The following RPA1 variants were observed in gnomAD, a reference collection of about 807,000 sequenced individuals.
RPA1 encodes replication protein A1.
RPA1 carries 49 observed loss-of-function variants against 83.0 expected under a neutral mutation model. The ratio of observed to expected loss-of-function variants is 0.59; its 90% confidence interval spans 0.47 to 0.75. RPA1 has a LOEUF of 0.75. Ranked by LOEUF, RPA1 falls within the 30% of genes least tolerant of loss-of-function variation. The pLI, the probability that RPA1 is intolerant of heterozygous loss-of-function variation, is 0.00. For synonymous variants in RPA1, 279 were observed against 281.8 expected (o/e 0.99, Z 0.10); for missense variants, 693 against 776.1 (o/e 0.89, Z 1.27).
rs924360298 is a variant in RPA1, at chr17:1,897,242, C to T, written c.*67C>T. The T allele has an allele frequency of 2.3e-5, 28 of 1,196,526 alleles. No individual in the cohort carries two copies. The highest frequency in any genetic ancestry group is 2.3e-4 in the Middle Eastern group (1 of 4,430). The allele number at this position is 1,196,526 out of a possible 1,614,324, so 74.1% of individuals were successfully genotyped here. On this transcript the variant is annotated 3_prime_UTR_variant, in exon 17 of 17. Transcript: ENST00000254719. ...AATGGAATCGATTTCCTCCCACCTC[C>T]GTGTGACGATCCCATGTTAGCTACA...
intron 5 of RPA1, among the ~76,000 whole-genome samples, chr17:1,869,469 C>T (rs1163437352): frequency 2.6e-5 from 4 of 151,346 alleles, no homozygotes; most frequent in African/African-American, 7.3e-5. Flanking sequence ...AATCGGGAGG[C>T]GGAGGTTGCA....
At chr17:1,862,402 G>A (rs1028933017) in intron 5 of RPA1, among the ~76,000 whole-genome samples, 12 of 132,246 alleles carry the variant, frequency 9.1e-5, no homozygotes, top group East Asian at 4.3e-4. Flanking sequence ...TGTTAATATC[G>A]ATTAGCTCAA....
In RPA1 at chr17:1,846,684, A is replaced by T. The variant is rs1912272325; in HGVS notation, c.272+1998A>T. Among the ~76,000 whole-genome samples the T allele has an allele frequency of 3.3e-5, 5 of 152,134 alleles. No homozygotes were observed. In the South Asian group the frequency reaches 1.0e-3, roughly 32 times the overall value. ...TCAGTCTGCCGATTCAGTTCTTTTC[A>T]ACGAAGTTTTTCTGTGTGTTATTCC... On this transcript the variant is annotated intron_variant, in intron 4 of 16. Transcript: ENST00000254719.
At chr17:1,860,205 A>G (rs1183037942) in intron 5 of RPA1, among the ~76,000 whole-genome samples, 1 of 151,994 alleles carries the variant, frequency 6.6e-6, no homozygotes, top group African/African-American at 2.4e-5. Flanking sequence ...CAGCCTCCCA[A>G]GTAGTTGGGA....
chr17:1,862,235 A>G (rs982034947), intron 5 of RPA1, among the ~76,000 whole-genome samples: 4 of 112,656 alleles, frequency 3.6e-5, no homozygotes, highest in South Asian at 3.0e-4. Context: ...GATGGAGTCT[A>G]TGTTGTCCAG....
chr17:1,839,788 GTTTTTTTTTTT>G (rs71150821), intron 1 of RPA1, among the ~76,000 whole-genome samples: 2 of 68,950 alleles, frequency 2.9e-5, no homozygotes, highest in African/African-American at 9.9e-5. Flanking sequence ...CGCCCAGCTA[GTTTTTTTTTTT>G]TTTTTTTTTT....
In RPA1 at chr17:1,842,850, C is replaced by T. The variant is rs1169063965; in HGVS notation, c.81C>T (p.Val27=). ...CAAACATAAAGCCCATCCTCCAAGT[C>T]ATCGTAAGTACCTGCGTATGTTATG... ...GDTNIKPILQ[V]INIRPITTGN... is the part of the protein sequence containing the mutation. The change falls in exon 2 of 17, where the codon GTC becomes GTT. Residue 27 remains valine, a synonymous_variant. Coordinates refer to ENST00000254719, the MANE Select transcript of RPA1 (RefSeq NM_002945.5). The T allele has an allele frequency of 2.5e-6, 4 of 1,613,860 alleles. No homozygotes were observed. The highest frequency in any genetic ancestry group is 3.4e-6 in the Non-Finnish European group (4 of 1,179,884).
At chr17:1,861,966 C>G (rs182183140) in intron 5 of RPA1, among the ~76,000 whole-genome samples, 2 of 152,058 alleles carry the variant, frequency 1.3e-5, no homozygotes, top group East Asian at 3.9e-4. Context: ...GTGGCGCGGT[C>G]TCGGTTGACT....
At chr17:1,863,580 C>T (rs1913068658) in intron 5 of RPA1, among the ~76,000 whole-genome samples, 1 of 152,142 alleles carries the variant, frequency 6.6e-6, no homozygotes, top group Non-Finnish European at 1.5e-5. Context: ...GTCTTGAGCT[C>T]CTGAGTTCAG....
intron 5 of RPA1, among the ~76,000 whole-genome samples, chr17:1,864,028 G>A (rs1913085637): frequency 6.6e-6 from 1 of 152,182 alleles, no homozygotes; most frequent in African/African-American, 2.4e-5. Context: ...CTTTAAGCTG[G>A]TCAGCATCAA....
chr17:1,860,942 T>C (rs890646763), intron 5 of RPA1, among the ~76,000 whole-genome samples: 1 of 152,212 alleles, frequency 6.6e-6, no homozygotes, highest in East Asian at 1.9e-4. Context: ...GCATTTAGTC[T>C]AGGTGTAGTT....
At chr17:1,867,961 C>T (rs1379374534) in intron 5 of RPA1, among the ~76,000 whole-genome samples, 1 of 151,796 alleles carries the variant, frequency 6.6e-6, no homozygotes, top group Non-Finnish European at 1.5e-5. Flanking sequence ...TCTCGTGTAA[C>T]TAGTTCCACC....
At chr17:1,866,922 T>C (rs1567815402) in intron 5 of RPA1, among the ~76,000 whole-genome samples, 1 of 152,046 alleles carries the variant, frequency 6.6e-6, no homozygotes, top group East Asian at 1.9e-4. Context: ...TAATGAGAGA[T>C]GTGTATACGT....
intron 5 of RPA1, among the ~76,000 whole-genome samples, chr17:1,868,863 C>T (rs1356480589): frequency 1.3e-5 from 2 of 152,206 alleles, no homozygotes; most frequent in Non-Finnish European, 2.9e-5. Context: ...CCCGTATTTA[C>T]CACTGTATTT....
Position 1,892,240 on chromosome 17 carries a change from C to G in RPA1, c.1659+300C>G, listed in dbSNP as rs1914230948. ...CAGGCTGGTCTCGAACTCCTGACCTCATGATCTGCCCGCTTCAGCCACCCG... is the reference window on the plus strand; with the variant it reads ...CAGGCTGGTCTCGAACTCCTGACCTGATGATCTGCCCGCTTCAGCCACCCG... On this transcript the variant is annotated intron_variant, in intron 15 of 16. Coordinates refer to ENST00000254719, the MANE Select transcript of RPA1 (RefSeq NM_002945.5). 2.0e-5 allele frequency among the ~76,000 whole-genome samples: 3 copies of G among 152,170 alleles called. No homozygotes were observed. The South Asian group carries it at 6.2e-4, about 31-fold the overall frequency.
Position 1,879,044 on chromosome 17 carries a change from C to T in RPA1, c.742C>T (p.Leu248Phe), listed in dbSNP as rs949393682. The T allele has an allele frequency of 6.2e-7, 1 of 1,614,188 alleles. No homozygotes were observed. The highest frequency in any genetic ancestry group is 1.1e-5 in the South Asian group (1 of 91,080). The change falls in exon 9 of 17, where the codon CTT becomes TTT. Residue 248 changes from leucine to phenylalanine, a missense_variant. Leu to Phe is a conservative substitution (Grantham distance 22). Transcript: ENST00000254719. ...TGAGCAAGTGGACAAGTTCTTTCCT[C>T]TTATTGAAGTGAACAAGGTATGGCC... ...FNEQVDKFFP[L>F]IEVNKVYYFS...
At chr17:1,864,821 G>GT (rs1913119304) in intron 5 of RPA1, among the ~76,000 whole-genome samples, 1 of 151,934 alleles carries the variant, frequency 6.6e-6, no homozygotes, top group Non-Finnish European at 1.5e-5. Flanking sequence ...AATCACTTGA[G>GT]CCCGGGAGGT....
rs188140079 is a variant in RPA1 at position 1,883,687 on chromosome 17, G to A, written c.1242-125G>A. Reference sequence around the variant, plus strand: ...TACCAGCTTCAGCCGACATGACCGTGACCTGTGTGAAAGCTGGGCGGGTGG... The same window carrying A: ...TACCAGCTTCAGCCGACATGACCGTAACCTGTGTGAAAGCTGGGCGGGTGG... On this transcript the variant is annotated intron_variant, in intron 12 of 16. Coordinates refer to ENST00000254719, the MANE Select transcript of RPA1 (RefSeq NM_002945.5). 550 of 1,109,982 alleles carry A rather than the reference G, an allele frequency of 5.0e-4. 5 individuals carry two copies. The South Asian group carries it at 5.3e-3, about 11-fold the overall frequency. 68.8% of individuals were successfully genotyped at this position (1,109,982 alleles called of 1,614,324 possible).
rs777561334 is a variant in RPA1, at chr17:1,842,773, T to C, written c.34-30T>C. On this transcript the variant is annotated intron_variant, in intron 1 of 16. Transcript: ENST00000254719. The stretch of plus-strand genomic sequence containing the variant: ...ATTTTCATCATGATTTGAGTGCGTA[T>C]CTCACACAAACCTGTTTTTACTCCC... 3.8e-5 allele frequency: 60 copies of C among 1,599,804 alleles called. 2 individuals are homozygous for C. The highest frequency in any genetic ancestry group is 3.6e-4 in the South Asian group (33 of 90,748).
Sources: allele counts gnomAD v4.1 joint callset (sites outside exome capture counted in the v4.1 genomes callset), GRCh38; gene constraint gnomAD v4.1.1; transcripts MANE v1.5; gene names NCBI Gene and HGNC (gene_info 2026-07-23, HGNC 2026-07-21).